Variants in FNDC3A observed in about 807,000 individuals in gnomAD.
FNDC3A encodes the protein fibronectin type-III domain-containing protein 3A.
A neutral mutation model predicts 148.9 loss-of-function variants in FNDC3A; 32 were observed. The ratio of observed to expected loss-of-function variants is 0.21; its 90% CI spans 0.16 to 0.29. The LOEUF is 0.29. FNDC3A is among the 10% of genes least tolerant of loss of function. FNDC3A has a pLI of 1.00. For missense variants in FNDC3A, 1,191 were observed against 1,452.8 expected (o/e 0.82, Z 2.93); for synonymous variants, 472 against 473.6 (o/e 1.00, Z 0.04).
intron 2 of FNDC3A, among the ~76,000 whole-genome samples, chr13:49,040,843 C>A (rs543659295): frequency 6.6e-6 from 1 of 152,144 alleles, no homozygotes; most frequent in Admixed American, 6.5e-5. Context: ...ATAAGAGTTA[C>A]TTGGTTTACA....
In FNDC3A at chr13:49,114,482, T is replaced by TTC. The variant is rs368757688; in HGVS notation, c.176-172_176-171insCT. On this transcript the variant is annotated intron_variant, in intron 3 of 25. Coordinates refer to ENST00000492622, the MANE Select transcript of FNDC3A (RefSeq NM_001079673.2). ...TGTAGGTAAAGGGTAATTTGTGCAC[T>TTC]TTACAAGATAAATTTTTATAACAAG... 5.2e-3 allele frequency among the ~76,000 whole-genome samples: 772 copies of TTC among 147,172 alleles called. 10 individuals carry two copies. The highest frequency in any genetic ancestry group is 4.1e-3 in the Non-Finnish European group (278 of 67,000).
At chr13:49,129,666 A>G (rs1220008196) in intron 4 of FNDC3A, among the ~76,000 whole-genome samples, 2 of 152,184 alleles carry the variant, frequency 1.3e-5, no homozygotes, top group Non-Finnish European at 2.9e-5. Context: ...TGAGTTAAAT[A>G]GGGAGAAAGG....
intron 2 of FNDC3A, among the ~76,000 whole-genome samples, chr13:49,047,410 A>G (rs1352972040): frequency 6.6e-6 from 1 of 152,138 alleles, no homozygotes; most frequent in Non-Finnish European, 1.5e-5. Context: ...TTTCCATGCC[A>G]TAGTAGGTAT....
At chr13:48,982,529 G>A (rs1951711847) in intron 1 of FNDC3A, among the ~76,000 whole-genome samples, 1 of 152,168 alleles carries the variant, frequency 6.6e-6, no homozygotes, top group Non-Finnish European at 1.5e-5. Flanking sequence ...TGACAGAGTA[G>A]CCTTTGGGTA....
At chr13:49,012,819 G>GTGTGTGTGTGTGTGTC (rs1220784130) in intron 2 of FNDC3A, among the ~76,000 whole-genome samples, 2 of 151,198 alleles carry the variant, frequency 1.3e-5, no homozygotes, top group African/African-American at 4.9e-5. Context: ...GTGTGTGTGT[G>GTGTGTGTGTGTGTGTC]TGTGTGTGTG....
intron 2 of FNDC3A, among the ~76,000 whole-genome samples, chr13:49,038,823 T>A (rs1439043136): frequency 6.6e-6 from 1 of 152,188 alleles, no homozygotes; most frequent in African/African-American, 2.4e-5. Flanking sequence ...GAAAGTTAAC[T>A]TATATCTGTA....
At chr13:49,180,894 CA>C (rs112964715) in intron 14 of FNDC3A, among the ~76,000 whole-genome samples, 472 of 137,264 alleles carry the variant, frequency 3.4e-3, no homozygotes, top group African/African-American at 7.9e-3. Context: ...GATTCTGTCT[CA>C]AAAAAAAAAA....
chr13:49,171,253 C>A (rs1437282169), intron 10 of FNDC3A, among the ~76,000 whole-genome samples: 2 of 152,082 alleles, frequency 1.3e-5, no homozygotes, highest in African/African-American at 2.4e-5. Flanking sequence ...CCTTGATTGC[C>A]ATTTACATAG....
At chr13:49,116,651 T>C (rs1428152441) in intron 4 of FNDC3A, among the ~76,000 whole-genome samples, 1 of 152,132 alleles carries the variant, frequency 6.6e-6, no homozygotes, top group Non-Finnish European at 1.5e-5. Flanking sequence ...CTGGTCATGG[T>C]AGCAGGTGCC....
intron 2 of FNDC3A, among the ~76,000 whole-genome samples, chr13:49,063,068 A>G (rs1193677600): frequency 6.6e-6 from 1 of 152,300 alleles, no homozygotes; most frequent in East Asian, 1.9e-4. Context: ...TACAGAAATT[A>G]TTAGTAATTT....
chr13:49,116,487 A>G (rs1410725626), intron 4 of FNDC3A, among the ~76,000 whole-genome samples: 1 of 152,204 alleles, frequency 6.6e-6, no homozygotes, highest in Non-Finnish European at 1.5e-5. Context: ...AGAGGCAAAT[A>G]AAAAGTGGAT....
intron 23 of FNDC3A, among the ~76,000 whole-genome samples, chr13:49,199,229 C>G (rs1886306108): frequency 6.6e-6 from 1 of 152,060 alleles, no homozygotes; most frequent in South Asian, 2.1e-4. Context: ...CCATGTCGCT[C>G]ACACTGGTCT....
At chr13:49,093,255 G>A (rs1256710538) in intron 3 of FNDC3A, among the ~76,000 whole-genome samples, 1 of 152,016 alleles carries the variant, frequency 6.6e-6, no homozygotes, top group Non-Finnish European at 1.5e-5. Flanking sequence ...CAGAAATTCA[G>A]TAAATGTTTA....
intron 15 of FNDC3A, among the ~76,000 whole-genome samples, chr13:49,186,703 A>G (rs980955184): frequency 6.6e-6 from 1 of 152,196 alleles, no homozygotes; most frequent in Admixed American, 6.5e-5. Flanking sequence ...CCCCGTCTCT[A>G]CTAAAACTAC....
chr13:49,075,252 T>G (rs1484202061), intron 2 of FNDC3A, 37 bp from the exon 3 acceptor site: 1 of 1,274,896 alleles, frequency 7.8e-7, no homozygotes, highest in Admixed American at 1.9e-5. Context: ...TTTGCTTTTT[T>G]TTGTTTTGAT....
In FNDC3A at chr13:49,201,863, A is replaced by G. The variant is rs1218466871; in HGVS notation, c.3051A>G (p.Thr1017=). Residue 1017 remains threonine (T), a synonymous_variant, in exon 24 of 26, where the codon ACA becomes ACG. Transcript: ENST00000492622. ...AAGTACAAAGACTTAATGAGTCAACATCCTATAAATTCTGTATTCAAGCTT... is the reference window on the plus strand; with the variant it reads ...AAGTACAAAGACTTAATGAGTCAACGTCCTATAAATTCTGTATTCAAGCTT... ...TYKVQRLNES[T]SYKFCIQACN... 2 of 1,593,756 alleles carry G rather than the reference A, an allele frequency of 1.3e-6. No homozygotes were observed. The highest frequency in any genetic ancestry group is 1.7e-6 in the Non-Finnish European group (2 of 1,167,254).
At chr13:49,108,572 G>GA (rs913125071) in intron 3 of FNDC3A, among the ~76,000 whole-genome samples, 1 of 152,072 alleles carries the variant, frequency 6.6e-6, no homozygotes, top group Non-Finnish European at 1.5e-5. Flanking sequence ...ATTTATAATG[G>GA]AAAAAAACTT....
intron 3 of FNDC3A, among the ~76,000 whole-genome samples, chr13:49,110,906 C>T (rs1055709941): frequency 9.9e-5 from 15 of 152,182 alleles, no homozygotes; most frequent in Non-Finnish European, 2.1e-4. Context: ...GGGAGCTTCT[C>T]AAATTTCTTA....
At chr13:49,077,102 ACC>A (rs1254967807) in intron 3 of FNDC3A, among the ~76,000 whole-genome samples, 2 of 152,146 alleles carry the variant, frequency 1.3e-5, no homozygotes, top group African/African-American at 4.8e-5. Context: ...GCATAACAAG[ACC>A]CTGTCTCTAC....
Sources: allele counts gnomAD v4.1 joint callset (sites outside exome capture counted in the v4.1 genomes callset), GRCh38; gene constraint gnomAD v4.1.1; transcripts MANE v1.5; gene names NCBI Gene and HGNC (gene_info 2026-07-23, HGNC 2026-07-21).